EPHX1: variants seen among roughly 807,000 people sequenced by gnomAD.
EPHX1 encodes the protein epoxide hydratase.
In EPHX1, 40 loss-of-function variants were observed where a neutral mutation model predicts 43.2. The ratio of observed to expected loss-of-function variants is 0.93; its 90% CI spans 0.72 to 1.21. The LOEUF is 1.21. Among genes scored for constraint, EPHX1 ranks in the 50% most tolerant of loss-of-function variants. EPHX1 has a pLI of 0.00. For missense variants in EPHX1, 550 were observed against 570.4 expected (o/e 0.96, Z 0.36); for synonymous variants, 221 against 226.7 (o/e 0.98, Z 0.22).
Position 225,838,879 on chromosome 1 carries a change from AG to A in EPHX1, c.592+1del. 6.2e-7 allele frequency: 1 copy of A among 1,614,018 alleles called. No homozygotes were observed. Among genetic ancestry groups the A allele is most frequent in the Non-Finnish European group, 8.5e-7 (1 of 1,179,898 alleles). ...GYGFSEASSK[K>X]GFNSVATARI... is the part of the protein sequence containing the mutation. Reference sequence around the variant, plus strand: ...GGCTTCTCAGAGGCATCCTCCAAGAAGGGTACGGGGCTGCTAGAGGTTCCAT... The same window carrying A: ...GGCTTCTCAGAGGCATCCTCCAAGAAGGTACGGGGCTGCTAGAGGTTCCAT... On this transcript the variant is annotated frameshift_variant and splice_region_variant, in exon 4 of 9. Transcript: ENST00000272167. LOFTEE classifies it high-confidence loss of function.
At chr1:225,827,840 CATGG>C (rs2102712696) in intron 1 of EPHX1, among the ~76,000 whole-genome samples, 1 of 152,314 alleles carries the variant, frequency 6.6e-6, no homozygotes, top group East Asian at 1.9e-4. Flanking sequence ...GCTGTGTGGC[CATGG>C]CTGGGCTTCC....
intron 5 of EPHX1, 43 bp from the exon 6 acceptor site, chr1:225,839,786 G>T (rs1668241001): frequency 1.3e-6 from 2 of 1,598,540 alleles, no homozygotes; most frequent in Admixed American, 1.7e-5. Flanking sequence ...CCCTGTCCTT[G>T]ACACCAGCCC....
intron 7 of EPHX1, among the ~76,000 whole-genome samples, chr1:225,844,217 GGA>G (rs1168326194): frequency 6.6e-6 from 1 of 152,084 alleles, no homozygotes; most frequent in Non-Finnish European, 1.5e-5. Flanking sequence ...AGGGGAGGGA[GGA>G]GAGGTCAGTG....
chr1:225,826,654 G>T (rs1191963136), intron 1 of EPHX1, among the ~76,000 whole-genome samples: 1 of 152,112 alleles, frequency 6.6e-6, no homozygotes, highest in Admixed American at 6.6e-5. Context: ...GAAGTTCAAG[G>T]GTGGACACCT....
chr1:225,824,033 G>A (rs899014613), intron 1 of EPHX1, among the ~76,000 whole-genome samples: 5 of 152,120 alleles, frequency 3.3e-5, no homozygotes, highest in African/African-American at 1.2e-4. Context: ...TGCCTGGGCG[G>A]TGGGCATCTG....
chr1:225,839,778 CT>C (rs1255587631), intron 5 of EPHX1, 50 bp from the exon 6 acceptor site: 1 of 1,581,076 alleles, frequency 6.3e-7, no homozygotes, highest in East Asian at 2.2e-5. Context: ...TCCTCTCTCC[CT>C]GTCCTTGACA....
In EPHX1 at chr1:225,812,142, A is replaced by G. The variant is rs147894933; in HGVS notation, c.-6+1973A>G. Among the ~76,000 whole-genome samples, 176 of 152,242 alleles carry G rather than the reference A, an allele frequency of 1.2e-3. 1 individual carries two copies. Among genetic ancestry groups the G allele is most frequent in the African/African-American group, 4.0e-3 (168 of 41,534 alleles). On this transcript the variant is annotated intron_variant, in intron 1 of 8. Transcript: ENST00000272167. ...TGAATGGCCTGATGTTTGTGTTTGC[A>G]GAGTGTGGGTCAAGCTGATGAGTGA... is the stretch of plus-strand genomic sequence containing the variant.
intron 8 of EPHX1, among the ~76,000 whole-genome samples, chr1:225,844,919 G>T (rs1426899940): frequency 6.6e-6 from 1 of 152,154 alleles, no homozygotes; most frequent in African/African-American, 2.4e-5. Context: ...ACCCTCAAAG[G>T]TGGGGATTTA....
intron 8 of EPHX1, among the ~76,000 whole-genome samples, 188 bp downstream of exon 8, chr1:225,844,811 T>G (rs1446943950): frequency 6.6e-6 from 1 of 152,110 alleles, no homozygotes; most frequent in Non-Finnish European, 1.5e-5. Context: ...AGGGACCAGG[T>G]GCCTGGCTCC....
At chr1:225,810,940 CAG>C (rs976991423) in intron 1 of EPHX1, among the ~76,000 whole-genome samples, 8 of 152,184 alleles carry the variant, frequency 5.3e-5, no homozygotes, top group Admixed American at 3.3e-4. Flanking sequence ...GTGCAGGCCA[CAG>C]GGGATATGAT....
chr1:225,841,706 A>G (rs1488078531), intron 6 of EPHX1, among the ~76,000 whole-genome samples: 2 of 150,848 alleles, frequency 1.3e-5, no homozygotes, highest in East Asian at 1.9e-4. Context: ...GGTTCAAGCA[A>G]TTTGCCTGCC....
rs1478293442 is a variant in EPHX1, at chr1:225,831,819, C to G, written c.224C>G (p.Pro75Arg). The G allele has an allele frequency of 1.9e-6, 3 of 1,614,192 alleles. No homozygotes were observed. The Admixed American group carries it at 5.0e-5, about 27-fold the overall frequency. The change falls in exon 3 of 9, where the codon CCT (proline) becomes CGT (arginine). Residue 75 changes from proline (P) to arginine (R), a missense_variant. Physicochemically the swap from Pro to Arg is moderately radical, Grantham distance 103 (BLOSUM62 -2). Coordinates refer to ENST00000272167, the MANE Select transcript of EPHX1 (RefSeq NM_001136018.4). ...QRIDKFRFTP[P>R]LEDSCFHYGF... Reference sequence around the variant, plus strand: ...ATCGATAAGTTCCGTTTCACCCCACCTTTGGAGGACAGCTGCTTCCACTAT... The same window carrying G: ...ATCGATAAGTTCCGTTTCACCCCACGTTTGGAGGACAGCTGCTTCCACTAT...
At chr1:225,828,383 A>G (rs1226449443) in intron 1 of EPHX1, among the ~76,000 whole-genome samples, 1 of 151,294 alleles carries the variant, frequency 6.6e-6, no homozygotes, top group African/African-American at 2.4e-5. Context: ...TGTAGCTCCC[A>G]AAACCCCCTA....
In EPHX1 at chr1:225,826,553, G is replaced by GC. The variant is rs535619838; in HGVS notation, c.-5-2167dup. Among the ~76,000 whole-genome samples, 26 of 143,798 alleles carry GC rather than the reference G, an allele frequency of 1.8e-4. 2 individuals carry two copies. In the East Asian group the frequency reaches 5.7e-3, roughly 31 times the overall value. The allele number at this position is 143,798 out of a possible 152,430, so 94.3% of individuals were successfully genotyped here. On this transcript the variant is annotated intron_variant, in intron 1 of 8. Coordinates refer to ENST00000272167, the MANE Select transcript of EPHX1 (RefSeq NM_001136018.4). Reference sequence around the variant, plus strand: ...TCTCCAGCAGGGATAGCGAAGGCCTGCCCCCTGGCACATGGTAGACTGAGT... The same window carrying GC: ...TCTCCAGCAGGGATAGCGAAGGCCTGCCCCCCTGGCACATGGTAGACTGAGT...
In EPHX1 at chr1:225,839,336, C is replaced by T. The variant is rs775662196; in HGVS notation, c.712C>T (p.Leu238=). 3 of 1,613,194 alleles carry T rather than the reference C, an allele frequency of 1.9e-6. No individual in the cohort carries two copies. The highest frequency in any genetic ancestry group is 2.5e-6 in the Non-Finnish European group (3 of 1,179,916). Residue 238 remains leucine (L), a synonymous_variant, in exon 5 of 9, where the codon CTG becomes TTG. Transcript: ENST00000272167. ...CCTGATCTGCACTAATATGGCCCAGCTGGTGCCCAGGTGAGGTCACTGTTG... is the reference window on the plus strand; with the variant it reads ...CCTGATCTGCACTAATATGGCCCAGTTGGTGCCCAGGTGAGGTCACTGTTG... ...GSLICTNMAQ[L]VPSHVKGLHL...
intron 1 of EPHX1, among the ~76,000 whole-genome samples, chr1:225,824,085 G>A (rs147820958): frequency 4.7e-4 from 72 of 152,312 alleles, no homozygotes; most frequent in African/African-American, 1.6e-3. Context: ...GTGTGGGCAG[G>A]GTTAGGCAGA....
chr1:225,819,867 T>C (rs1666904913), intron 1 of EPHX1, among the ~76,000 whole-genome samples: 1 of 152,194 alleles, frequency 6.6e-6, no homozygotes, highest in South Asian at 2.1e-4. Flanking sequence ...AAATGTCAAG[T>C]GTTTGGCTGG....
chr1:225,841,535 C>T (rs1265971602), intron 6 of EPHX1, among the ~76,000 whole-genome samples: 3 of 151,422 alleles, frequency 2.0e-5, no homozygotes, highest in Non-Finnish European at 2.9e-5. Flanking sequence ...CCACCCGCCT[C>T]GGCCTCCCAA....
chr1:225,838,676 C>T lies in EPHX1; in HGVS notation c.387C>T (p.His129=), dbSNP rs112721617. 13 of 1,614,086 alleles carry T rather than the reference C, an allele frequency of 8.1e-6. No homozygotes were observed. Among genetic ancestry groups the T allele is most frequent in the Middle Eastern group, 1.6e-4 (1 of 6,062 alleles). The part of the protein sequence containing the change: ...KIEGLDIHFI[H]VKPPQLPAGH... The stretch of plus-strand genomic sequence containing the variant: ...CAGGGCTGGACATCCACTTCATCCA[C>T]GTGAAGCCCCCCCAGCTGCCCGCAG... Residue 129 remains histidine (H), a synonymous_variant, in exon 4 of 9, where the codon CAC becomes CAT. Transcript: ENST00000272167.
Sources: allele counts gnomAD v4.1 joint callset (sites outside exome capture counted in the v4.1 genomes callset), GRCh38; gene constraint gnomAD v4.1.1; transcripts MANE v1.5; gene names NCBI Gene and HGNC (gene_info 2026-07-23, HGNC 2026-07-21).